The following TRIQK variants were observed in gnomAD, a reference collection of about 807,000 sequenced individuals.
The protein encoded by TRIQK is triple QxxK/R motif containing.
Under a neutral mutation model 10.8 loss-of-function variants are expected in TRIQK, and 10 were observed. The ratio of observed to expected loss-of-function variants is 0.92; its 90% CI spans 0.57 to 1.57. The LOEUF (loss-of-function observed/expected upper bound fraction) is 1.57. Among genes scored for constraint, TRIQK ranks in the 40% most tolerant of loss-of-function variants. The pLI, the probability that TRIQK is intolerant of heterozygous loss-of-function variation, is 0.00. For missense variants in TRIQK, 107 were observed against 97.7 expected (o/e 1.09, Z -0.40); for synonymous variants, 33 against 33.7 (o/e 0.98, Z 0.07).
At chr8:92,989,681 G>C (rs1159899648) in intron 1 of TRIQK, among the ~76,000 whole-genome samples, 1 of 152,088 alleles carries the variant, frequency 6.6e-6, no homozygotes, top group Non-Finnish European at 1.5e-5. Context: ...ATATATTACA[G>C]TGTAATAATA....
intron 4 of TRIQK, among the ~76,000 whole-genome samples, chr8:92,891,156 T>C (rs1303896087): frequency 6.6e-6 from 1 of 151,852 alleles, no homozygotes. Context: ...AAATATATCA[T>C]CTGGCAGTTC....
chr8:92,896,102 T>C (rs1428837002), intron 3 of TRIQK, among the ~76,000 whole-genome samples: 2 of 152,144 alleles, frequency 1.3e-5, no homozygotes, highest in Non-Finnish European at 2.9e-5. Flanking sequence ...CAGAAGATCT[T>C]AAGGGCAACA....
At chr8:92,996,853 C>G (rs1813157033) in intron 1 of TRIQK, among the ~76,000 whole-genome samples, 1 of 151,808 alleles carries the variant, frequency 6.6e-6, no homozygotes, top group Non-Finnish European at 1.5e-5. Context: ...AAATAGTTTA[C>G]TCTTCAAAAT....
At chr8:92,947,536 A>G (rs1407835363) in intron 2 of TRIQK, among the ~76,000 whole-genome samples, 1 of 133,222 alleles carries the variant, frequency 7.5e-6, no homozygotes, top group African/African-American at 2.7e-5. Context: ...GTGAGCCGAG[A>G]TTGCGCCATT....
intron 3 of TRIQK, among the ~76,000 whole-genome samples, chr8:92,903,255 T>C (rs1809053068): frequency 6.6e-6 from 1 of 152,128 alleles, no homozygotes. Flanking sequence ...CTAGTTATTG[T>C]TTATATCATT....
intron 2 of TRIQK, among the ~76,000 whole-genome samples, chr8:92,950,718 T>C (rs1811852813): frequency 6.6e-6 from 1 of 152,134 alleles, no homozygotes; most frequent in African/African-American, 2.4e-5. Flanking sequence ...CTCAAATATT[T>C]AAAGTAACCC....
intron 3 of TRIQK, among the ~76,000 whole-genome samples, chr8:92,904,938 A>C (rs1177827397): frequency 2.0e-5 from 3 of 152,134 alleles, no homozygotes; most frequent in Non-Finnish European, 4.4e-5. Flanking sequence ...AACTTGCCAC[A>C]CCTTACTTAC....
intron 1 of TRIQK, chr8:93,017,590 T>C (rs887175071): frequency 6.6e-6 from 1 of 152,116 alleles, no homozygotes; most frequent in Non-Finnish European, 1.5e-5. Flanking sequence ...CCCGATCCAA[T>C]TCCTTTTCCC....
chr8:92,959,231 G>T (rs1056637774), intron 1 of TRIQK, among the ~76,000 whole-genome samples: 37 of 151,768 alleles, frequency 2.4e-4, no homozygotes, highest in African/African-American at 8.5e-4. Flanking sequence ...CTTGCTGGTC[G>T]TAGTTTGCTA....
intron 1 of TRIQK, among the ~76,000 whole-genome samples, chr8:92,996,384 T>C (rs994040093): frequency 3.3e-5 from 5 of 152,084 alleles, no homozygotes; most frequent in African/African-American, 9.6e-5. Context: ...TTAAATTCAA[T>C]TGTTCAGCCT....
At chr8:92,946,781 G>C (rs919394969) in intron 2 of TRIQK, among the ~76,000 whole-genome samples, 13 of 142,116 alleles carry the variant, frequency 9.1e-5, no homozygotes, top group African/African-American at 3.4e-4. Flanking sequence ...TTTTTTCTGA[G>C]ATGGAGTCTC....
intron 3 of TRIQK, among the ~76,000 whole-genome samples, chr8:92,916,316 C>T (rs2130454214): frequency 6.6e-6 from 1 of 152,218 alleles, no homozygotes; most frequent in Admixed American, 6.5e-5. Flanking sequence ...CTGTTATCTT[C>T]CTGTGCTAAG....
At chr8:92,897,113 G>A (rs1808648125) in intron 3 of TRIQK, among the ~76,000 whole-genome samples, 1 of 152,154 alleles carries the variant, frequency 6.6e-6, no homozygotes, top group African/African-American at 2.4e-5. Flanking sequence ...CACCATGCCA[G>A]GCCCCAGCAT....
chr8:92,921,399 C>G (rs560123193), intron 2 of TRIQK: 107 of 151,776 alleles, frequency 7.0e-4, no homozygotes, highest in African/African-American at 2.5e-3. Flanking sequence ...TCTGGGTACT[C>G]TTGACTAATT....
intron 1 of TRIQK, among the ~76,000 whole-genome samples, chr8:93,005,450 G>A (rs765737042): frequency 2.0e-5 from 3 of 152,136 alleles, no homozygotes; most frequent in African/African-American, 7.2e-5. Context: ...TAAGAGTTGG[G>A]TGGGGACACA....
At chr8:92,913,455 A>T (rs1809672095) in intron 3 of TRIQK, among the ~76,000 whole-genome samples, 1 of 152,186 alleles carries the variant, frequency 6.6e-6, no homozygotes, top group Non-Finnish European at 1.5e-5. Context: ...CAATCATTAA[A>T]AAGTCAGGAA....
chr8:92,969,157 T>C (rs1265054788), upstream of TRIQK, among the ~76,000 whole-genome samples: 1 of 152,188 alleles, frequency 6.6e-6, no homozygotes, highest in African/African-American at 2.4e-5. Flanking sequence ...TCCACTGGTC[T>C]ATATATCTGT....
chr8:93,004,954 C>T (rs1413559092), intron 1 of TRIQK, among the ~76,000 whole-genome samples: 1 of 152,224 alleles, frequency 6.6e-6, no homozygotes, highest in African/African-American at 2.4e-5. Flanking sequence ...TAGGAAGTTC[C>T]AGACTTTCCC....
At chr8:92,894,294 T>C (rs151007698) in intron 3 of TRIQK, among the ~76,000 whole-genome samples, 67 of 152,286 alleles carry the variant, frequency 4.4e-4, no homozygotes, top group African/African-American at 1.6e-3. Context: ...GAGTGTCTGG[T>C]AGGTTCTTTA....
Sources: allele counts gnomAD v4.1 joint callset (sites outside exome capture counted in the v4.1 genomes callset), GRCh38; gene constraint gnomAD v4.1.1; transcripts MANE v1.5; gene names NCBI Gene and HGNC (gene_info 2026-07-23, HGNC 2026-07-21).